Variants in SLC26A4 observed in about 807,000 individuals in gnomAD.
SLC26A4 encodes solute carrier family 26 member 4, also known as pendrin.
Under a neutral mutation model 90.4 loss-of-function variants are expected in SLC26A4, and 93 were observed. The ratio of observed to expected loss-of-function variants is 1.03; its 90% CI spans 0.87 to 1.22. The LOEUF (loss-of-function observed/expected upper bound fraction) is 1.22, where lower values mean the gene tolerates loss of function less well. Among genes scored for constraint, SLC26A4 ranks in the 50% most tolerant of loss-of-function variants. The probability of loss-of-function intolerance (pLI) is 0.00; values close to 1 mark genes in which losing one functional copy is unlikely to be tolerated. For missense variants in SLC26A4, 1,127 were observed against 946.2 expected (o/e 1.19, Z -2.51); for synonymous variants, 393 against 354.6 (o/e 1.11, Z -1.22).
intron 3 of SLC26A4, among the ~76,000 whole-genome samples, chr7:107,663,769 C>T (rs963483007): frequency 3.3e-5 from 5 of 151,744 alleles, no homozygotes; most frequent in East Asian, 2.0e-4. Context: ...CTGCAAGCTC[C>T]GTCTCCCGGG....
intron 15 of SLC26A4, 122 bp from the exon 16 acceptor site, chr7:107,700,979 C>CT: frequency 1.4e-6 from 1 of 704,944 alleles, no homozygotes; most frequent in Non-Finnish European, 2.6e-6. Context: ...CTTACAATTT[C>CT]TTTTTTGGCA....
intron 17 of SLC26A4, among the ~76,000 whole-genome samples, chr7:107,703,421 T>A (rs560575761): frequency 2.2e-4 from 34 of 152,314 alleles, no homozygotes; most frequent in African/African-American, 8.2e-4. Flanking sequence ...GGTAGAGAAG[T>A]GATTGTGCTT....
chr7:107,685,887 T>C (rs139799147), intron 8 of SLC26A4, among the ~76,000 whole-genome samples: 12 of 152,198 alleles, frequency 7.9e-5, no homozygotes, highest in African/African-American at 2.9e-4. Context: ...TGTGTGTGTG[T>C]GCTCACGCAC....
intron 3 of SLC26A4, among the ~76,000 whole-genome samples, chr7:107,667,106 A>C (rs1453790904): frequency 6.6e-6 from 1 of 152,154 alleles, no homozygotes; most frequent in Non-Finnish European, 1.5e-5. Context: ...CAGGTTTGGG[A>C]TAGGAAATCA....
rs778271465 is a variant in SLC26A4, at chr7:107,694,426, G to A, written c.1287G>A (p.Ala429=). 1.3e-5 allele frequency: 21 copies of A among 1,613,486 alleles called. No individual in the cohort carries two copies. Among genetic ancestry groups the A allele is most frequent in the African/African-American group, 2.7e-5 (2 of 74,890 alleles). The stretch of plus-strand genomic sequence containing the variant: ...AGGTTGCTGGCATCATCTCTGCTGC[G>A]ATTGTGATGATCGCCATTCTTGCCC... ...KTQVAGIISA[A]IVMIAILALG... The change falls in exon 11 of 21, where the codon GCG becomes GCA. Residue 429 remains alanine (A), a synonymous_variant. Coordinates refer to ENST00000644269, the MANE Select transcript of SLC26A4 (RefSeq NM_000441.2).
At chr7:107,691,005 T>C (rs1248711660) in intron 10 of SLC26A4, among the ~76,000 whole-genome samples, 1 of 152,020 alleles carries the variant, frequency 6.6e-6, no homozygotes. Flanking sequence ...CTGTCTCTTA[T>C]GCCTTGAGGT....
intron 8 of SLC26A4, 96 bp from the exon 9 acceptor site, chr7:107,688,957 T>C: frequency 7.9e-7 from 1 of 1,264,970 alleles, no homozygotes; most frequent in South Asian, 1.2e-5. Flanking sequence ...TACTTTCATG[T>C]CTAATATGTG....
intron 6 of SLC26A4, among the ~76,000 whole-genome samples, chr7:107,679,058 A>G (rs970739904): frequency 6.6e-6 from 1 of 152,248 alleles, no homozygotes; most frequent in Non-Finnish European, 1.5e-5. Flanking sequence ...AAAAGAAATC[A>G]GTTAATTTAC....
rs1050305277 is a variant in SLC26A4 at position 107,715,571 on chromosome 7, A to G, written c.*125A>G. The G allele has an allele frequency of 6.1e-6, 5 of 813,244 alleles. No homozygotes were observed. The African/African-American group carries it at 6.7e-5, about 11-fold the overall frequency. 50.4% of individuals were successfully genotyped at this position (813,244 alleles called of 1,614,324 possible). The stretch of plus-strand genomic sequence containing the variant: ...ATTAAGCCATTGAAAGAGAAGCACT[A>G]AGACTGCTTCTAGGCTTTATTTATA... On this transcript the variant is annotated 3_prime_UTR_variant, in exon 21 of 21. Coordinates refer to ENST00000644269, the MANE Select transcript of SLC26A4 (RefSeq NM_000441.2).
chr7:107,686,671 G>T (rs915778328), intron 8 of SLC26A4, among the ~76,000 whole-genome samples: 1 of 151,912 alleles, frequency 6.6e-6, no homozygotes, highest in South Asian at 2.1e-4. Flanking sequence ...GTAGAGACGG[G>T]GTTTCACCAT....
intron 3 of SLC26A4, among the ~76,000 whole-genome samples, chr7:107,669,193 G>A (rs778508711): frequency 8.5e-5 from 13 of 152,120 alleles, no homozygotes; most frequent in Non-Finnish European, 1.5e-4. Flanking sequence ...CCTGGCCTCA[G>A]TGATCTTCCC....
At chr7:107,667,139 G>C (rs1447795879) in intron 3 of SLC26A4, among the ~76,000 whole-genome samples, 3 of 152,142 alleles carry the variant, frequency 2.0e-5, no homozygotes, top group African/African-American at 7.2e-5. Flanking sequence ...GATATGCTAA[G>C]TTTGAGACAC....
chr7:107,663,369 G>T lies in SLC26A4; in HGVS notation c.238G>T (p.Val80Phe), dbSNP rs908862654. The change falls in exon 3 of 21, where the codon GTC becomes TTC. Residue 80 changes from valine (V) to phenylalanine (F), a missense_variant. Transcript: ENST00000644269. ...PILEWLPKYR[V>F]KEWLLSDVIS... The stretch of plus-strand genomic sequence containing the variant: ...CTTGGAGTGGCTCCCCAAATACCGA[G>T]TCAAGGAATGGCTGCTTAGTGACGT... The T allele has an allele frequency of 6.2e-7, 1 of 1,614,134 alleles. No individual in the cohort carries two copies. The highest frequency in any genetic ancestry group is 8.5e-7 in the Non-Finnish European group (1 of 1,179,998).
intron 6 of SLC26A4, among the ~76,000 whole-genome samples, chr7:107,677,564 A>G (rs1438510907): frequency 6.6e-6 from 1 of 151,712 alleles, no homozygotes; most frequent in Non-Finnish European, 1.5e-5. Flanking sequence ...GTCATTCTTG[A>G]TATGTTTTTT....
At chr7:107,690,088 A>G (rs1791524505) in intron 9 of SLC26A4, 36 bp from the exon 10 acceptor site, 4 of 1,221,460 alleles carry the variant, frequency 3.3e-6, no homozygotes, top group Non-Finnish European at 4.9e-6. Context: ...CAAAGATTCA[A>G]TTTGTAGGAT....
chr7:107,681,140 C>T (rs1257275550), intron 6 of SLC26A4, among the ~76,000 whole-genome samples: 1 of 152,120 alleles, frequency 6.6e-6, no homozygotes, highest in Non-Finnish European at 1.5e-5. Context: ...ATGCCTTTAG[C>T]AATTTTCAGT....
At chr7:107,694,820 T>G in intron 12 of SLC26A4, 104 bp downstream of exon 12, 1 of 819,482 alleles carries the variant, frequency 1.2e-6, no homozygotes, top group East Asian at 2.5e-5. Context: ...CACTTGTGCT[T>G]TGGGAACTCC....
intron 6 of SLC26A4, among the ~76,000 whole-genome samples, chr7:107,680,755 A>T (rs1562827876): frequency 6.6e-6 from 1 of 152,076 alleles, no homozygotes; most frequent in Non-Finnish European, 1.5e-5. Flanking sequence ...ATTGATTCTC[A>T]TGGATTAAAC....
chr7:107,668,754 T>G (rs1021812985), intron 3 of SLC26A4, among the ~76,000 whole-genome samples: 2 of 152,206 alleles, frequency 1.3e-5, no homozygotes, highest in Non-Finnish European at 2.9e-5. Context: ...TTCTGCAACA[T>G]GAAGGTGCCT....
Sources: gnomAD v4.1 joint callset for allele counts (sites outside exome capture counted in the v4.1 genomes callset) on GRCh38, gnomAD v4.1.1 for gene constraint, MANE v1.5 for transcripts, NCBI Gene and HGNC (gene_info 2026-07-23, HGNC 2026-07-21) for gene names.